The following TMEM169 variants were observed in gnomAD, a reference collection of about 807,000 sequenced individuals.
TMEM169 encodes transmembrane protein 169.
TMEM169 carries 18 observed loss-of-function variants against 27.3 expected under a neutral mutation model. The observed-to-expected ratio is 0.66, with a 90% CI of 0.46 to 0.98. TMEM169 has a LOEUF of 0.98. Ranked by LOEUF, TMEM169 falls within the 50% of genes least tolerant of loss-of-function variation. The pLI, the probability that TMEM169 is intolerant of heterozygous loss-of-function variation, is 0.00. For missense variants in TMEM169, 320 were observed against 368.6 expected, an observed-to-expected ratio of 0.87 and a Z score of 1.08; for synonymous variants, 136 against 142.1, an observed-to-expected ratio of 0.96 and a Z score of 0.30.
In TMEM169 at chr2:216,100,913, C is replaced by A. The variant is rs968188871; in HGVS notation, c.*371C>A. The A allele has an allele frequency of 3.3e-6, 1 of 302,248 alleles. No homozygotes were observed. The highest frequency in any genetic ancestry group is 2.2e-5 in the African/African-American group (1 of 44,928). 18.7% of individuals were successfully genotyped at this position (302,248 alleles called of 1,614,324 possible). A position where few individuals can be genotyped will look rare whatever the true frequency, so the allele number is the denominator to read the frequency against. ...TAAAGAACCTCGGGGTAACCAAATC[C>A]ACCAAGATAATAGACAGGGATGGAG... On this transcript the variant is annotated 3_prime_UTR_variant, in exon 3 of 3. Coordinates refer to ENST00000437356, the MANE Select transcript of TMEM169 (RefSeq NM_001142311.2).
chr2:216,092,306 T>C (rs1696152192), intron 1 of TMEM169, among the ~76,000 whole-genome samples: 1 of 152,190 alleles, frequency 6.6e-6, no homozygotes, highest in South Asian at 2.1e-4. Context: ...GCCTCTCCCA[T>C]TGTGCCCAAC....
At position 216,096,101 on chromosome 2, in the gene TMEM169, G is replaced by A; in HGVS notation, c.138G>A (p.Glu46=). ...TMGHRKKKRK[E]SRPESIIIYR... ...GGCACAGGAAAAAGAAGAGGAAAGA[G>A]TCACGCCCAGAATCCATCATCATCT... The change falls in exon 2 of 3, where the codon GAG becomes GAA. Residue 46 remains glutamate (E), a synonymous_variant. Coordinates refer to ENST00000437356, the MANE Select transcript of TMEM169 (RefSeq NM_001142311.2). The A allele has an allele frequency of 6.2e-7, 1 of 1,614,216 alleles. No homozygotes were observed.
intron 1 of TMEM169, among the ~76,000 whole-genome samples, chr2:216,088,412 T>C (rs1434805486): frequency 6.6e-6 from 1 of 152,184 alleles, no homozygotes; most frequent in East Asian, 1.9e-4. Flanking sequence ...TGCAGTGGGC[T>C]GAGATCACGC....
intron 1 of TMEM169, among the ~76,000 whole-genome samples, chr2:216,091,422 T>C (rs1696119832): frequency 6.6e-6 from 1 of 152,100 alleles, no homozygotes; most frequent in African/African-American, 2.4e-5. Context: ...CTGGGCATGG[T>C]GGCGTGTGCC....
rs140285959 is a variant in TMEM169 at position 216,100,437 on chromosome 2, G to A, written c.789G>A (p.Glu263=). 1,361 of 1,613,900 alleles carry A rather than the reference G, an allele frequency of 8.4e-4. No homozygotes were observed. The highest frequency in any genetic ancestry group is 1.1e-3 in the Non-Finnish European group (1,331 of 1,180,004). ...CGWLCSKLGL[E]DCSPYSIVEL... The stretch of plus-strand genomic sequence containing the variant: ...GGCTCTGCAGCAAGCTGGGTCTGGA[G>A]GACTGTTCTCCCTACAGCATTGTGG... Residue 263 remains glutamate, a synonymous_variant, in exon 3 of 3, where the codon GAG becomes GAA. Transcript: ENST00000437356.
chr2:216,096,972 G>C (rs1382938745), intron 2 of TMEM169, among the ~76,000 whole-genome samples: 5 of 152,176 alleles, frequency 3.3e-5, no homozygotes, highest in Non-Finnish European at 7.4e-5. Context: ...GCCAAAAATT[G>C]GGTAAAATGT....
At position 216,099,172 on chromosome 2, in the gene TMEM169, G is replaced by C. The variant is rs1696329862; in HGVS notation, c.272-748G>C. On this transcript the variant is annotated intron_variant, in intron 2 of 2. Transcript: ENST00000437356. The surrounding 1 kb of genome is among the most constrained non-coding windows in gnomAD (Gnocchi z 5.0). ...TGTGTATGTGTTGTATGTGGTATGTGTGGGGAGGTTGTGTGTGGCATGTGT... is the reference window on the plus strand; with the variant it reads ...TGTGTATGTGTTGTATGTGGTATGTCTGGGGAGGTTGTGTGTGGCATGTGT... Among the ~76,000 whole-genome samples, 1 of 151,384 alleles carries C rather than the reference G, an allele frequency of 6.6e-6. No individual in the cohort carries two copies. Among genetic ancestry groups the C allele is most frequent in the Admixed American group, 6.6e-5 (1 of 15,176 alleles).
intron 1 of TMEM169, among the ~76,000 whole-genome samples, chr2:216,084,042 TCTG>T (rs1452012742): frequency 6.6e-6 from 1 of 152,212 alleles, no homozygotes; most frequent in Non-Finnish European, 1.5e-5. Flanking sequence ...TTCCCTGTGC[TCTG>T]CGTCACTGCC....
At chr2:216,090,014 C>T (rs529254819) in intron 1 of TMEM169, among the ~76,000 whole-genome samples, 6 of 152,116 alleles carry the variant, frequency 3.9e-5, no homozygotes, top group South Asian at 2.1e-4. Flanking sequence ...GTGACTTGCG[C>T]GTGTGCGTGC....
Position 216,099,887 on chromosome 2 carries a change from G to A in TMEM169, c.272-33G>A. ...ATGGAGATGCAATGCCCACTCTTCT[G>A]ATCTTGACTCTCACCTCCTTTGTAC... On this transcript the variant is annotated intron_variant, in intron 2 of 2. Coordinates refer to ENST00000437356, the MANE Select transcript of TMEM169 (RefSeq NM_001142311.2). The surrounding 1 kb of genome is among the most constrained non-coding windows in gnomAD (Gnocchi z 5.0). 1 of 1,584,368 alleles carries A rather than the reference G, an allele frequency of 6.3e-7. No homozygotes were observed. The highest frequency in any genetic ancestry group is 8.6e-7 in the Non-Finnish European group (1 of 1,167,842).
chr2:216,094,507 G>GTCAAT (rs1696215104), intron 1 of TMEM169, among the ~76,000 whole-genome samples: 1 of 151,904 alleles, frequency 6.6e-6, no homozygotes, highest in Non-Finnish European at 1.5e-5. Flanking sequence ...GGCCATTAAC[G>GTCAAT]GGCTGTTAAC....
At chr2:216,087,335 G>A (rs987262829) in intron 1 of TMEM169, among the ~76,000 whole-genome samples, 5 of 152,142 alleles carry the variant, frequency 3.3e-5, no homozygotes, top group African/African-American at 1.2e-4. Flanking sequence ...GTAAAAAATG[G>A]TAGAGGAATG....
intron 1 of TMEM169, among the ~76,000 whole-genome samples, chr2:216,088,157 CAA>C (rs1408492038): frequency 3.4e-5 from 4 of 118,024 alleles, no homozygotes; most frequent in Non-Finnish European, 1.8e-5. Flanking sequence ...GACTCTGTCT[CAA>C]AAAAAAAAAA....
chr2:216,092,693 C>T (rs955028984), intron 1 of TMEM169, among the ~76,000 whole-genome samples: 1 of 152,228 alleles, frequency 6.6e-6, no homozygotes, highest in Non-Finnish European at 1.5e-5. Context: ...CTTCTCCCAG[C>T]TCTGAAGCTC....
chr2:216,094,313 A>G (rs1363358069), intron 1 of TMEM169, among the ~76,000 whole-genome samples: 3 of 152,376 alleles, frequency 2.0e-5, no homozygotes, highest in African/African-American at 4.8e-5. Flanking sequence ...ACTATAGTTC[A>G]TAAGTTATTT....
At chr2:216,089,120 T>G (rs965542202) in intron 1 of TMEM169, among the ~76,000 whole-genome samples, 6 of 151,956 alleles carry the variant, frequency 3.9e-5, no homozygotes, top group Non-Finnish European at 7.4e-5. Flanking sequence ...AGAAAGCAGA[T>G]AAGGGAGCAA....
intron 1 of TMEM169, among the ~76,000 whole-genome samples, chr2:216,090,791 A>G (rs1366697): frequency 0.31 from 47,791 of 151,916 alleles, 8,104 homozygotes; most frequent in East Asian, 0.66. Flanking sequence ...CTTCTTGGGT[A>G]ATTTGTTACA....
intron 1 of TMEM169, among the ~76,000 whole-genome samples, chr2:216,095,314 C>G (rs1005500428): frequency 1.2e-4 from 18 of 151,876 alleles, no homozygotes; most frequent in African/African-American, 3.4e-4. Flanking sequence ...TCTCAAACTC[C>G]TGACCTCAGG....
intron 2 of TMEM169, among the ~76,000 whole-genome samples, chr2:216,098,821 GGT>G (rs942038447): frequency 4.6e-5 from 7 of 151,026 alleles, no homozygotes; most frequent in Non-Finnish European, 1.0e-4. Flanking sequence ...TGTAATGTGT[GGT>G]GTGTGTGTGG....
Sources: gnomAD v4.1 joint callset for allele counts (sites outside exome capture counted in the v4.1 genomes callset) on GRCh38, gnomAD v4.1.1 for gene constraint, Gnocchi (gnomAD v3.1) non-coding constraint, MANE v1.5 for transcripts, NCBI Gene and HGNC (gene_info 2026-07-23, HGNC 2026-07-21) for gene names.